TEX11: variants seen among roughly 807,000 people sequenced by gnomAD.
TEX11 encodes testis expressed 11, also known as testis-expressed protein 11.
In TEX11, 7 loss-of-function variants were observed where a neutral mutation model predicts 84.4. The ratio of observed to expected loss-of-function variants is 0.08; its 90% CI spans 0.05 to 0.16. The LOEUF is 0.16. TEX11 is among the 10% of genes least tolerant of loss of function. The pLI is 1.00. For missense variants in TEX11, 551 were observed against 660.5 expected, an observed-to-expected ratio of 0.83 and a Z score of 1.82; for synonymous variants, 264 against 222.8, an observed-to-expected ratio of 1.18 and a Z score of -1.64.
At chrX:70,512,955 A>G in the TEX11 span, among the ~76,000 whole-genome samples, 1 of 109,267 alleles carries the variant, frequency 9.2e-6, no homozygotes, top group Non-Finnish European at 1.9e-5. Context: ...GGACATGGAA[A>G]TGATCTTCAA....
intron 16 of TEX11, among the ~76,000 whole-genome samples, chrX:70,653,057 T>A (rs2089827350): frequency 9.0e-6 from 1 of 111,688 alleles, no homozygotes; most frequent in Non-Finnish European, 1.9e-5. Context: ...TGAAAATGGA[T>A]TATAACCTAA....
downstream of TEX11, among the ~76,000 whole-genome samples, chrX:70,525,578 C>G (rs949990906): frequency 1.0e-5 from 1 of 96,144 alleles, no homozygotes; most frequent in Non-Finnish European, 2.0e-5. Context: ...CAGAGCAGGA[C>G]CCTATCTCAA....
intron 2 of TEX11, among the ~76,000 whole-genome samples, chrX:70,906,738 G>T (rs1205425695): frequency 1.8e-5 from 2 of 111,552 alleles, no homozygotes; most frequent in East Asian, 5.6e-4. Flanking sequence ...AGTGAGCCAA[G>T]ATGGCACCAC....
chrX:70,810,694 A>G (rs183805947), intron 8 of TEX11, among the ~76,000 whole-genome samples: 58 of 110,812 alleles, frequency 5.2e-4, no homozygotes, highest in Middle Eastern at 4.6e-3. Flanking sequence ...CCTAATGTAG[A>G]TGACGGGTTA....
intron 11 of TEX11, among the ~76,000 whole-genome samples, chrX:70,734,062 C>A (rs1272970399): frequency 3.6e-5 from 4 of 110,511 alleles, no homozygotes; most frequent in South Asian, 4.0e-4. Context: ...GGACAAAAAA[C>A]CAAACACCGC....
intron 7 of TEX11, among the ~76,000 whole-genome samples, chrX:70,843,893 A>C (rs1164116818): frequency 8.9e-6 from 1 of 111,994 alleles, no homozygotes; most frequent in East Asian, 2.8e-4. Context: ...AGAGAAATGC[A>C]AATCAAAACC....
intron 8 of TEX11, among the ~76,000 whole-genome samples, chrX:70,829,154 C>G (rs909475955): frequency 1.8e-5 from 2 of 111,492 alleles, no homozygotes; most frequent in Non-Finnish European, 3.8e-5. Flanking sequence ...GAAGAAATCA[C>G]CTGAAGGTAC....
intron 13 of TEX11, among the ~76,000 whole-genome samples, chrX:70,691,189 T>C (rs1057300947): frequency 6.3e-5 from 7 of 111,827 alleles, no homozygotes; most frequent in African/African-American, 2.3e-4. Flanking sequence ...TGTGAAGAAA[T>C]TGGAACTCTT....
chrX:70,662,239 T>G (rs911345215), intron 16 of TEX11, among the ~76,000 whole-genome samples: 14 of 111,948 alleles, frequency 1.3e-4, no homozygotes, highest in African/African-American at 3.9e-4. Context: ...AGTAGCCGAT[T>G]CGATCAACTG....
intron 9 of TEX11, among the ~76,000 whole-genome samples, chrX:70,749,498 C>T (rs1363735627): frequency 2.8e-5 from 3 of 108,681 alleles, no homozygotes; most frequent in Non-Finnish European, 3.8e-5. Flanking sequence ...CTGTCTTGTG[C>T]CAGTTTTCAA....
At chrX:70,719,687 A>G (rs1481013937) in intron 13 of TEX11, among the ~76,000 whole-genome samples, 2 of 111,885 alleles carry the variant, frequency 1.8e-5, no homozygotes, top group East Asian at 5.6e-4. Context: ...AAAACAAACA[A>G]CCCCATCAAA....
chrX:70,845,570 G>A (rs931912392), intron 7 of TEX11, among the ~76,000 whole-genome samples: 20 of 110,755 alleles, frequency 1.8e-4, no homozygotes, highest in Admixed American at 4.8e-4. Flanking sequence ...GGTCACGCCC[G>A]TAATCCCAGC....
intron 13 of TEX11, among the ~76,000 whole-genome samples, chrX:70,718,094 G>A (rs2090523445): frequency 9.0e-6 from 1 of 111,550 alleles, no homozygotes; most frequent in African/African-American, 3.3e-5. Context: ...CGTATCAAGA[G>A]GAAAGTGGAA....
intron 9 of TEX11, among the ~76,000 whole-genome samples, chrX:70,749,466 G>C (rs1290012406): frequency 1.8e-5 from 2 of 110,143 alleles, no homozygotes; most frequent in Non-Finnish European, 3.8e-5. Flanking sequence ...ATGTTGAATA[G>C]GAGTGGTGAG....
chrX:70,592,569 ATCTCATCTCAGCTC>A (rs1160351467), intron 24 of TEX11, among the ~76,000 whole-genome samples: 3 of 111,337 alleles, frequency 2.7e-5, no homozygotes, highest in African/African-American at 6.5e-5. Context: ...TCTCAATCTC[ATCTCATCTCAGCTC>A]TCTCATCTCA....
chrX:70,609,195 A>G lies in TEX11; in HGVS notation c.1793-18T>C. 1.7e-6 allele frequency: 2 copies of G among 1,175,488 alleles called. No individual in the cohort carries two copies. Among genetic ancestry groups the G allele is most frequent in the Non-Finnish European group, 2.3e-6 (2 of 866,506 alleles). On this transcript the variant is annotated intron_variant, in intron 21 of 29. Coordinates refer to ENST00000374333, the MANE Select transcript of TEX11 (RefSeq NM_031276.3). ...CACAAAGGCTGCATCAAACAGGAAA[A>G]TTTGATACTGATGGTCTTATTTTAT...
intron 9 of TEX11, among the ~76,000 whole-genome samples, chrX:70,753,737 T>C (rs1437321504): frequency 9.0e-6 from 1 of 110,607 alleles, no homozygotes; most frequent in Non-Finnish European, 1.9e-5. Flanking sequence ...GACTGTGTCT[T>C]GCACTTCGAA....
chrX:70,809,959 T>C (rs2091242491), intron 8 of TEX11, among the ~76,000 whole-genome samples: 1 of 111,849 alleles, frequency 8.9e-6, no homozygotes, highest in Non-Finnish European at 1.9e-5. Context: ...AAGAATTACA[T>C]GCAACAAGTA....
intron 1 of TEX11, 117 bp from the exon 2 acceptor site, chrX:70,907,927 T>C (rs2091843044): frequency 5.8e-6 from 3 of 521,102 alleles, no homozygotes; most frequent in Non-Finnish European, 3.1e-6. Context: ...AAAGGCTGAG[T>C]AAAGTTAAAA....
Sources: allele counts gnomAD v4.1 joint callset (sites outside exome capture counted in the v4.1 genomes callset), GRCh38; gene constraint gnomAD v4.1.1; transcripts MANE v1.5; gene names NCBI Gene and HGNC (gene_info 2026-07-23, HGNC 2026-07-21).